Variants in SMYD3 observed in about 807,000 individuals in gnomAD.
SMYD3 encodes the protein histone-lysine N-methyltransferase SMYD3.
Under a neutral mutation model 57.7 loss-of-function variants are expected in SMYD3, and 36 were observed. The ratio of observed to expected loss-of-function variants is 0.62; its 90% confidence interval spans 0.48 to 0.82. The LOEUF is 0.82. Ranked by LOEUF, SMYD3 falls within the 40% of genes least tolerant of loss-of-function variation. The pLI is 0.00. For missense variants in SMYD3, 515 were observed against 538.8 expected (o/e 0.96, Z 0.44); for synonymous variants, 211 against 195.0 (o/e 1.08, Z -0.68).
At chr1:246,434,389 T>C (rs751832621) in intron 1 of SMYD3, among the ~76,000 whole-genome samples, 2 of 152,200 alleles carry the variant, frequency 1.3e-5, no homozygotes, top group Non-Finnish European at 2.9e-5. Context: ...AACTGTGAAT[T>C]TGTCTATTTG....
At position 245,834,609 on chromosome 1, in the gene SMYD3, G is replaced by T. The variant is rs372377979; in HGVS notation, c.1076+23887C>A. 5.3e-5 allele frequency among the ~76,000 whole-genome samples: 8 copies of T among 152,296 alleles called. No individual in the cohort carries two copies. The East Asian group carries it at 7.7e-4, about 15-fold the overall frequency. ...GGTGGGTAAGCTGAAAATTTAGGAA[G>T]CAAATTATAATAGACATCCTAGCCA... On this transcript the variant is annotated intron_variant, in intron 10 of 11. Transcript: ENST00000490107.
intron 5 of SMYD3, among the ~76,000 whole-genome samples, chr1:246,007,861 C>A (rs1316000725): frequency 6.7e-6 from 1 of 149,624 alleles, no homozygotes; most frequent in Non-Finnish European, 1.5e-5. Context: ...TACTGTGGGG[C>A]AATTTGTACT....
chr1:246,497,341 C>T (rs940339021), intron 1 of SMYD3, among the ~76,000 whole-genome samples: 13 of 151,976 alleles, frequency 8.6e-5, no homozygotes, highest in Non-Finnish European at 1.5e-4. Context: ...CTTTTTTGGT[C>T]TAATTCAAAA....
At chr1:246,231,363 AT>A (rs2063406418) in intron 5 of SMYD3, among the ~76,000 whole-genome samples, 1 of 152,202 alleles carries the variant, frequency 6.6e-6, no homozygotes, top group Admixed American at 6.5e-5. Flanking sequence ...TCAGCAATAG[AT>A]CTATTTAATA....
At chr1:246,329,969 G>A (rs2065431300) in intron 4 of SMYD3, among the ~76,000 whole-genome samples, 1 of 152,192 alleles carries the variant, frequency 6.6e-6, no homozygotes, top group African/African-American at 2.4e-5. Context: ...GATATGGGAA[G>A]CTTTTTAAGT....
At chr1:245,864,538 T>G (rs1256563687) in intron 8 of SMYD3, among the ~76,000 whole-genome samples, 2 of 152,152 alleles carry the variant, frequency 1.3e-5, no homozygotes, top group Non-Finnish European at 2.9e-5. Flanking sequence ...TATGATTCCA[T>G]GGATATGACA....
chr1:245,839,357 G>A (rs2050273771), intron 10 of SMYD3, among the ~76,000 whole-genome samples: 1 of 151,890 alleles, frequency 6.6e-6, no homozygotes, highest in Non-Finnish European at 1.5e-5. Context: ...TTTTAGTAGA[G>A]ACGGGGTTTC....
intron 5 of SMYD3, among the ~76,000 whole-genome samples, chr1:246,268,576 C>T (rs938726726): frequency 1.3e-5 from 2 of 151,970 alleles, no homozygotes; most frequent in Non-Finnish European, 2.9e-5. Context: ...TGGTGGCACA[C>T]ACCTGTAGTC....
Position 246,165,907 on chromosome 1 carries a change from A to G in SMYD3, c.531+161294T>C, listed in dbSNP as rs1223558769. ...GGGTGAGAGGAGGCCCTGGCAATGC[A>G]GACAATGCTGAATCAATAATTTCAG... On this transcript the variant is annotated intron_variant, in intron 5 of 11. Transcript: ENST00000490107. Among the ~76,000 whole-genome samples the G allele has an allele frequency of 2.6e-5, 4 of 152,284 alleles. No homozygotes were observed. In the East Asian group the frequency reaches 5.8e-4, roughly 22 times the overall value.
chr1:245,850,515 G>C (rs1411010750), intron 10 of SMYD3, among the ~76,000 whole-genome samples: 3 of 152,000 alleles, frequency 2.0e-5, no homozygotes, highest in African/African-American at 4.8e-5. Context: ...AACATTACAA[G>C]ACCCTGCCTC....
chr1:246,055,857 GGGAATGGGGAGTTATCATTTAA>G (rs1391500251), intron 5 of SMYD3, among the ~76,000 whole-genome samples: 1 of 152,190 alleles, frequency 6.6e-6, no homozygotes, highest in Non-Finnish European at 1.5e-5. Context: ...GGGGCAAAAG[GGGAATGGGGAGTTATCATTTAA>G]TGGGTTCAAA....
At chr1:245,758,055 T>C (rs1271050087) in intron 11 of SMYD3, among the ~76,000 whole-genome samples, 2 of 152,186 alleles carry the variant, frequency 1.3e-5, no homozygotes, top group African/African-American at 4.8e-5. Context: ...TTCGAACCTA[T>C]GAACATGAGA....
At chr1:246,310,444 T>C (rs895096053) in intron 5 of SMYD3, among the ~76,000 whole-genome samples, 8 of 152,118 alleles carry the variant, frequency 5.3e-5, no homozygotes, top group African/African-American at 1.7e-4. Context: ...AGCAAAATAA[T>C]GGAAGTTGCT....
chr1:246,159,335 A>G (rs2062076590), intron 5 of SMYD3, among the ~76,000 whole-genome samples: 1 of 151,902 alleles, frequency 6.6e-6, no homozygotes, highest in African/African-American at 2.4e-5. Flanking sequence ...GGGCTGCTCT[A>G]CTACTGAGCA....
rs142397456 is a variant in SMYD3, at chr1:246,089,801, C to A, written c.532-159864G>T. 2.1e-3 allele frequency among the ~76,000 whole-genome samples: 325 copies of A among 152,222 alleles called. 1 individual carries two copies. Among genetic ancestry groups the A allele is most frequent in the Non-Finnish European group, 3.5e-3 (240 of 68,016 alleles). Reference sequence around the variant, plus strand: ...CGGCTGTTCCTACCCCAAATGCCAGCCACTCACATGTTTTCTCGCCCTCCA... The same window carrying A: ...CGGCTGTTCCTACCCCAAATGCCAGACACTCACATGTTTTCTCGCCCTCCA... On this transcript the variant is annotated intron_variant, in intron 5 of 11. Coordinates refer to ENST00000490107, the MANE Select transcript of SMYD3 (RefSeq NM_001167740.2).
At chr1:245,843,660 C>G (rs1298285034) in intron 10 of SMYD3, among the ~76,000 whole-genome samples, 1 of 151,804 alleles carries the variant, frequency 6.6e-6, no homozygotes, top group Non-Finnish European at 1.5e-5. Flanking sequence ...AAATTATAAG[C>G]AACCAAAGCT....
At chr1:246,260,491 A>T (rs2063985518) in intron 5 of SMYD3, among the ~76,000 whole-genome samples, 1 of 151,820 alleles carries the variant, frequency 6.6e-6, no homozygotes, top group Non-Finnish European at 1.5e-5. Context: ...TTGTTCTATC[A>T]CCAGGCTGGA....
At position 245,909,967 on chromosome 1, in the gene SMYD3, A is replaced by T. The variant is rs116133472; in HGVS notation, c.813+5563T>A. Among the ~76,000 whole-genome samples the T allele has an allele frequency of 3.6e-3, 547 of 152,296 alleles. 1 individual carries two copies. The highest frequency in any genetic ancestry group is 0.013 in the African/African-American group (526 of 41,578). ...CAGTACTGGAATTCCTAGCCAGAGC[A>T]ATTAGACAGGAGAAAAAATTAAAGG... On this transcript the variant is annotated intron_variant, in intron 8 of 11. Transcript: ENST00000490107.
chr1:245,954,515 A>T (rs2057767548), intron 5 of SMYD3, among the ~76,000 whole-genome samples: 1 of 152,162 alleles, frequency 6.6e-6, no homozygotes, highest in Non-Finnish European at 1.5e-5. Flanking sequence ...CTCTACAGAA[A>T]ATGCTAAAAC....
Sources: gnomAD v4.1 joint callset for allele counts (sites outside exome capture counted in the v4.1 genomes callset) on GRCh38, gnomAD v4.1.1 for gene constraint, MANE v1.5 for transcripts, NCBI Gene and HGNC (gene_info 2026-07-23, HGNC 2026-07-21) for gene names.